MTR: variants seen among roughly 807,000 people sequenced by gnomAD.
The protein encoded by MTR is methionine synthase.
MTR carries 84 observed loss-of-function variants against 154.8 expected under a neutral mutation model. The ratio of observed to expected loss-of-function variants is 0.54; its 90% CI spans 0.45 to 0.65. The LOEUF (loss-of-function observed/expected upper bound fraction) is 0.65, where lower values mean the gene tolerates loss of function less well. Ranked by LOEUF, MTR falls within the 30% of genes least tolerant of loss-of-function variation. The pLI, the probability that MTR is intolerant of heterozygous loss-of-function variation, is 0.00. For synonymous variants in MTR, 554 were observed against 553.9 expected, an observed-to-expected ratio of 1.00 and a Z score of 0.00; for missense variants, 1,275 against 1,570.2, an observed-to-expected ratio of 0.81 and a Z score of 3.18.
intron 25 of MTR, among the ~76,000 whole-genome samples, chr1:236,881,224 A>G (rs995285048): frequency 7.2e-5 from 11 of 152,200 alleles, no homozygotes; most frequent in African/African-American, 2.7e-4. Flanking sequence ...AAAGTGTCCT[A>G]GTTGACCCTA....
chr1:236,825,674 C>T (rs1662248578), intron 10 of MTR, among the ~76,000 whole-genome samples: 4 of 152,146 alleles, frequency 2.6e-5, no homozygotes, highest in Admixed American at 2.6e-4. Flanking sequence ...TGTTGCTTCC[C>T]CTGCAGCCTT....
chr1:236,804,227 T>C (rs1660848706), intron 2 of MTR, among the ~76,000 whole-genome samples: 1 of 152,196 alleles, frequency 6.6e-6, no homozygotes, highest in Non-Finnish European at 1.5e-5. Context: ...TCAATGTTTG[T>C]GTCCCCATGA....
At chr1:236,883,210 A>G (rs541834224) in intron 25 of MTR, among the ~76,000 whole-genome samples, 1 of 152,334 alleles carries the variant, frequency 6.6e-6, no homozygotes, top group Admixed American at 6.5e-5. Flanking sequence ...AAATGAAGGA[A>G]AATATAAACT....
At chr1:236,835,201 T>A (rs1662836767) in intron 13 of MTR, among the ~76,000 whole-genome samples, 1 of 152,032 alleles carries the variant, frequency 6.6e-6, no homozygotes, top group East Asian at 1.9e-4. Flanking sequence ...GGGAACAGAT[T>A]TGGCTGGGTG....
intron 9 of MTR, 116 bp downstream of exon 9, chr1:236,824,335 CACTT>C (rs1662158603): frequency 2.2e-6 from 2 of 916,494 alleles, no homozygotes; most frequent in Admixed American, 3.6e-5. Flanking sequence ...GTATAGTTGA[CACTT>C]AATAAATGAA....
intron 3 of MTR, 130 bp from the exon 4 acceptor site, chr1:236,808,574 A>G: frequency 1.1e-6 from 1 of 912,810 alleles, no homozygotes; most frequent in Admixed American, 2.0e-5. Flanking sequence ...CTAAGATTTC[A>G]CTCAGACCTC....
intron 29 of MTR, among the ~76,000 whole-genome samples, chr1:236,892,722 T>C (rs1666399991): frequency 6.6e-6 from 1 of 152,162 alleles, no homozygotes; most frequent in Non-Finnish European, 1.5e-5. Flanking sequence ...GGGGTTCTAA[T>C]GTTAAGTTCC....
At chr1:236,801,603 C>G (rs896903907) in intron 1 of MTR, among the ~76,000 whole-genome samples, 1 of 152,182 alleles carries the variant, frequency 6.6e-6, no homozygotes, top group East Asian at 1.9e-4. Flanking sequence ...TCTTCCCTCA[C>G]TTTTTTGTCA....
chr1:236,884,968 T>G (rs1269838227), intron 25 of MTR, among the ~76,000 whole-genome samples, 153 bp from the exon 26 acceptor site: 5 of 152,170 alleles, frequency 3.3e-5, no homozygotes, highest in Non-Finnish European at 7.3e-5. Context: ...TGAGTTTACC[T>G]TTTCCTGCAC....
rs749545131 is a variant in MTR at position 236,832,127 on chromosome 1, A to G, written c.1188+49A>G. ...GAGGCATCTGCCCATGTCTTTGGCT[A>G]GACAGCATGTAAATGAAACAGCTCT... On this transcript the variant is annotated intron_variant, in intron 13 of 32. Coordinates refer to ENST00000366577, the MANE Select transcript of MTR (RefSeq NM_000254.3). 1.3e-5 allele frequency: 18 copies of G among 1,403,830 alleles called. No individual in the cohort carries two copies. In the South Asian group the frequency reaches 2.1e-4, roughly 16 times the overall value. 87.0% of individuals were successfully genotyped at this position (1,403,830 alleles called of 1,614,324 possible). A position where few individuals can be genotyped will look rare whatever the true frequency, so the allele number is the denominator to read the frequency against.
At chr1:236,896,333 G>A (rs933481754) in intron 31 of MTR, among the ~76,000 whole-genome samples, 9 of 152,340 alleles carry the variant, frequency 5.9e-5, no homozygotes, top group South Asian at 4.1e-4. Flanking sequence ...AGATTTAAGT[G>A]AGAAACCATG....
intron 18 of MTR, among the ~76,000 whole-genome samples, chr1:236,855,249 T>G (rs1355920270): frequency 6.6e-6 from 1 of 152,222 alleles, no homozygotes; most frequent in Non-Finnish European, 1.5e-5. Flanking sequence ...TCTGATATAT[T>G]ATTGAAACTA....
chr1:236,800,170 C>A, intron 1 of MTR: 1 of 985,320 alleles, frequency 1.0e-6, no homozygotes, highest in Middle Eastern at 5.2e-4. Context: ...TGTGTGCACT[C>A]GCTCAGTGGA....
At chr1:236,857,191 T>C (rs1664258853) in intron 18 of MTR, among the ~76,000 whole-genome samples, 1 of 152,216 alleles carries the variant, frequency 6.6e-6, no homozygotes, top group Non-Finnish European at 1.5e-5. Context: ...CTCCAGCATC[T>C]GTTGTTTCCT....
chr1:236,844,050 G>A (rs1663417056), intron 15 of MTR, among the ~76,000 whole-genome samples: 1 of 152,144 alleles, frequency 6.6e-6, no homozygotes, highest in South Asian at 2.1e-4. Flanking sequence ...GACTAAGTGA[G>A]TCTTAGAGCC....
chr1:236,857,451 TC>T (rs1360020637), intron 18 of MTR, among the ~76,000 whole-genome samples: 2 of 152,320 alleles, frequency 1.3e-5, no homozygotes, highest in East Asian at 3.9e-4. Context: ...GAATAATGTC[TC>T]CCCCTTCTGC....
chr1:236,892,135 G>T (rs1220156348), intron 29 of MTR, among the ~76,000 whole-genome samples: 1 of 152,126 alleles, frequency 6.6e-6, no homozygotes. Context: ...TTAATAATTT[G>T]CAGAAAATTA....
At chr1:236,880,335 C>T (rs1665657427) in intron 24 of MTR, among the ~76,000 whole-genome samples, 1 of 152,126 alleles carries the variant, frequency 6.6e-6, no homozygotes, top group Admixed American at 6.5e-5. Flanking sequence ...ATCCTGTGTC[C>T]TCTGCCTGGT....
chr1:236,835,060 T>C (rs562033922), intron 13 of MTR, among the ~76,000 whole-genome samples: 3 of 152,310 alleles, frequency 2.0e-5, no homozygotes, highest in African/African-American at 7.2e-5. Flanking sequence ...TGAAGAGTTA[T>C]ATCATTTTGG....
Sources: gnomAD v4.1 joint callset for allele counts (sites outside exome capture counted in the v4.1 genomes callset) on GRCh38, gnomAD v4.1.1 for gene constraint, MANE v1.5 for transcripts, NCBI Gene and HGNC (gene_info 2026-07-23, HGNC 2026-07-21) for gene names.